The following ZNF423 variants were observed in gnomAD, a reference collection of about 807,000 sequenced individuals.
The protein encoded by ZNF423 is Ebf-associated zinc finger protein.
A neutral mutation model predicts 95.8 loss-of-function variants in ZNF423; 12 were observed. The ratio of observed to expected loss-of-function variants is 0.13; its 90% CI spans 0.08 to 0.20. ZNF423 has a LOEUF of 0.20. Ranked by LOEUF, ZNF423 falls within the 10% of genes least tolerant of loss-of-function variation. The pLI is 1.00. For synonymous variants in ZNF423, 749 were observed against 711.9 expected (o/e 1.05, Z -0.83); for missense variants, 1,316 against 1,737.1 (o/e 0.76, Z 4.31).
intron 7 of ZNF423, among the ~76,000 whole-genome samples, chr16:49,493,133 T>A (rs1021309895): frequency 6.6e-6 from 1 of 152,044 alleles, no homozygotes; most frequent in Non-Finnish European, 1.5e-5. Context: ...CCTCTCCCTG[T>A]ACTTGTGCAG....
At chr16:49,739,696 GTTT>G (rs10574656) in intron 2 of ZNF423, among the ~76,000 whole-genome samples, 4 of 52,576 alleles carry the variant, frequency 7.6e-5, no homozygotes, top group Non-Finnish European at 1.6e-4. Context: ...TTTTTGTTTG[GTTT>G]TTTTTTTTTT....
At chr16:49,716,363 T>A (rs2032706471) in intron 3 of ZNF423, among the ~76,000 whole-genome samples, 1 of 151,990 alleles carries the variant, frequency 6.6e-6, no homozygotes, top group African/African-American at 2.4e-5. Flanking sequence ...AGACACTCCA[T>A]ATCCAAGGGC....
chr16:49,719,715 C>T (rs914409946), intron 3 of ZNF423, among the ~76,000 whole-genome samples: 43 of 152,190 alleles, frequency 2.8e-4, no homozygotes, highest in Non-Finnish European at 4.8e-4. Context: ...CTTCACCTTC[C>T]GCCATGATCG....
intron 1 of ZNF423, among the ~76,000 whole-genome samples, chr16:49,804,345 A>G (rs2034629107): frequency 6.6e-6 from 1 of 152,316 alleles, no homozygotes; most frequent in Admixed American, 6.5e-5. Flanking sequence ...TTAAAAGTCC[A>G]TGGGTCTCTT....
At chr16:49,735,469 C>T (rs1480431159) in intron 2 of ZNF423, among the ~76,000 whole-genome samples, 2 of 152,198 alleles carry the variant, frequency 1.3e-5, no homozygotes, top group Non-Finnish European at 2.9e-5. Context: ...CAATATCTCC[C>T]ACCCCACCTG....
chr16:49,820,782 C>T (rs1208033322), intron 1 of ZNF423, among the ~76,000 whole-genome samples: 2 of 152,126 alleles, frequency 1.3e-5, no homozygotes, highest in Non-Finnish European at 2.9e-5. Flanking sequence ...TTAAGATTCC[C>T]CTTAGACTAG....
chr16:49,733,109 G>A (rs1392159338), intron 2 of ZNF423, among the ~76,000 whole-genome samples: 1 of 152,148 alleles, frequency 6.6e-6, no homozygotes, highest in African/African-American at 2.4e-5. Flanking sequence ...GCAAAGAAAT[G>A]AGAAATATCA....
intron 7 of ZNF423, chr16:49,518,426 C>T: frequency 2.3e-6 from 1 of 437,744 alleles, no homozygotes; most frequent in Non-Finnish European, 4.5e-6. Context: ...TTTTTCTGTA[C>T]ACAGAACACT....
chr16:49,596,146 T>C (rs1340915378), intron 5 of ZNF423, among the ~76,000 whole-genome samples: 3 of 152,230 alleles, frequency 2.0e-5, no homozygotes, highest in Non-Finnish European at 4.4e-5. Flanking sequence ...AATAGCTATG[T>C]TCTTTACGGC....
intron 2 of ZNF423, among the ~76,000 whole-genome samples, chr16:49,784,519 T>A (rs1308494323): frequency 6.6e-6 from 1 of 152,094 alleles, no homozygotes; most frequent in African/African-American, 2.4e-5. Context: ...TAAAAAGGGG[T>A]GAAGGACAGA....
chr16:49,617,410 C>T (rs531206778), intron 5 of ZNF423, among the ~76,000 whole-genome samples: 1 of 152,318 alleles, frequency 6.6e-6, no homozygotes, highest in East Asian at 1.9e-4. Context: ...CAGCTGCTGC[C>T]AAGCAGCCAA....
intron 5 of ZNF423, among the ~76,000 whole-genome samples, chr16:49,609,449 C>T (rs139067584): frequency 3.3e-5 from 5 of 151,850 alleles, no homozygotes; most frequent in African/African-American, 9.7e-5. Flanking sequence ...CATAGAATTA[C>T]GTCAATAAAC....
chr16:49,602,639 G>T (rs1971410819), intron 5 of ZNF423, among the ~76,000 whole-genome samples: 1 of 152,194 alleles, frequency 6.6e-6, no homozygotes, highest in Non-Finnish European at 1.5e-5. Context: ...CAGGCCCAGG[G>T]CACAGGCTGG....
chr16:49,709,501 G>A (rs1026803782), intron 3 of ZNF423, among the ~76,000 whole-genome samples: 12 of 152,186 alleles, frequency 7.9e-5, no homozygotes, highest in Middle Eastern at 3.4e-3. Context: ...CATGGTCCCC[G>A]CCCTCAACAA....
At chr16:49,692,180 C>A (rs1420041037) in intron 3 of ZNF423, among the ~76,000 whole-genome samples, 1 of 152,056 alleles carries the variant, frequency 6.6e-6, no homozygotes, top group Non-Finnish European at 1.5e-5. Context: ...TTCTCAAACT[C>A]CTGGGTTCAA....
At chr16:49,678,119 G>T (rs996180865) in intron 3 of ZNF423, among the ~76,000 whole-genome samples, 3 of 151,962 alleles carry the variant, frequency 2.0e-5, no homozygotes, top group African/African-American at 7.3e-5. Flanking sequence ...GGAGGTGAAG[G>T]TTGCAGTGAG....
intron 5 of ZNF423, among the ~76,000 whole-genome samples, chr16:49,625,480 C>T (rs1217086094): frequency 3.3e-5 from 5 of 152,176 alleles, no homozygotes; most frequent in Admixed American, 3.3e-4. Context: ...TGAAGCTCTC[C>T]CAGGCCCCAG....
intron 3 of ZNF423, among the ~76,000 whole-genome samples, chr16:49,668,452 G>A (rs780361425): frequency 2.6e-5 from 4 of 152,250 alleles, no homozygotes; most frequent in Non-Finnish European, 5.9e-5. Context: ...CAGCATTGTT[G>A]AGACCCCAGG....
At chr16:49,496,878 T>C (rs766592466) in intron 7 of ZNF423, among the ~76,000 whole-genome samples, 5 of 152,184 alleles carry the variant, frequency 3.3e-5, no homozygotes, top group South Asian at 2.1e-4. Context: ...CCAGGCACGA[T>C]TGGGGCTTAC....
Sources: gnomAD v4.1 joint callset for allele counts (sites outside exome capture counted in the v4.1 genomes callset) on GRCh38, gnomAD v4.1.1 for gene constraint, MANE v1.5 for transcripts, NCBI Gene and HGNC (gene_info 2026-07-23, HGNC 2026-07-21) for gene names.